The following KIAA1217 variants were observed in gnomAD, a reference collection of about 807,000 sequenced individuals.
KIAA1217 encodes sickle tail protein homolog.
A neutral mutation model predicts 163.9 loss-of-function variants in KIAA1217; 88 were observed. The ratio of observed to expected loss-of-function variants is 0.54; its 90% CI spans 0.45 to 0.64. The LOEUF is 0.64. KIAA1217 is among the 30% of genes least tolerant of loss of function. The pLI is 0.00. For missense variants in KIAA1217, 2,372 were observed against 2,475.0 expected (o/e 0.96, Z 0.88); for synonymous variants, 903 against 923.1 (o/e 0.98, Z 0.39).
chr10:24,247,824 A>T (rs1400728077), intron 2 of KIAA1217, among the ~76,000 whole-genome samples: 2 of 152,234 alleles, frequency 1.3e-5, no homozygotes, highest in Non-Finnish European at 2.9e-5. Flanking sequence ...TTCTGGAATG[A>T]TGTCCAATAA....
At chr10:24,167,617 G>A (rs1453835612) in intron 2 of KIAA1217, among the ~76,000 whole-genome samples, 2 of 152,100 alleles carry the variant, frequency 1.3e-5, no homozygotes, top group Non-Finnish European at 2.9e-5. Flanking sequence ...TTGGACAACT[G>A]TGAAGAACTC....
At chr10:23,809,411 A>T (rs1194501973) in intron 1 of KIAA1217, among the ~76,000 whole-genome samples, 3 of 152,006 alleles carry the variant, frequency 2.0e-5, no homozygotes, top group Non-Finnish European at 4.4e-5. Context: ...ATGAGAAAAG[A>T]AGTGGAATGT....
intron 1 of KIAA1217, among the ~76,000 whole-genome samples, chr10:23,858,778 T>G (rs1406962391): frequency 6.6e-6 from 1 of 152,156 alleles, no homozygotes; most frequent in Admixed American, 6.5e-5. Context: ...CTGGGCGTGG[T>G]GCCCTTTCAA....
chr10:23,939,329 A>G (rs573771376), intron 1 of KIAA1217, among the ~76,000 whole-genome samples: 3 of 152,240 alleles, frequency 2.0e-5, no homozygotes, highest in Admixed American at 6.5e-5. Flanking sequence ...AACAATCCCT[A>G]TACGGGGAGG....
chr10:24,545,840 C>T lies in KIAA1217; in HGVS notation c.5348C>T (p.Ala1783Val), dbSNP rs2075686323. 6.3e-7 allele frequency: 1 copy of T among 1,592,700 alleles called. No homozygotes were observed. Among genetic ancestry groups the T allele is most frequent in the Non-Finnish European group, 8.5e-7 (1 of 1,171,280 alleles). The change falls in exon 21 of 21, where the codon GCT becomes GTT. Residue 1783 changes from alanine to valine, a missense_variant. Ala to Val is a moderately conservative substitution (Grantham distance 64, BLOSUM62 0). Coordinates refer to ENST00000376454, the MANE Select transcript of KIAA1217 (RefSeq NM_019590.5). The part of the protein sequence containing the change: ...PRQYRQANGS[A>V]KKSGGDFKPT... The stretch of plus-strand genomic sequence containing the variant: ...CTTTATTTGCAGGCTAATGGAAGTG[C>T]TAAGAAATCTGGTGGGGACTTTAAG...
intron 5 of KIAA1217, among the ~76,000 whole-genome samples, chr10:24,468,537 G>A (rs1157108186): frequency 2.0e-5 from 3 of 152,180 alleles, no homozygotes; most frequent in Non-Finnish European, 2.9e-5. Context: ...TGTCACAACC[G>A]AATGTTTGTA....
intron 2 of KIAA1217, among the ~76,000 whole-genome samples, chr10:24,363,681 C>T (rs2134292307): frequency 6.6e-6 from 1 of 151,912 alleles, no homozygotes; most frequent in South Asian, 2.1e-4. Flanking sequence ...AAGCAGTCCT[C>T]CCACCTTAGC....
chr10:24,107,088 A>G (rs2062661187), intron 2 of KIAA1217, among the ~76,000 whole-genome samples: 1 of 152,126 alleles, frequency 6.6e-6, no homozygotes, highest in Non-Finnish European at 1.5e-5. Flanking sequence ...GATTTTGTCC[A>G]TGTGCACTCA....
chr10:24,040,417 G>A (rs1052578942), intron 2 of KIAA1217, among the ~76,000 whole-genome samples: 3 of 152,212 alleles, frequency 2.0e-5, no homozygotes, highest in Non-Finnish European at 2.9e-5. Flanking sequence ...CTAATATGAT[G>A]AAGGAACTGA....
intron 2 of KIAA1217, among the ~76,000 whole-genome samples, chr10:24,164,237 G>GAATTCA (rs2065242429): frequency 6.6e-6 from 1 of 152,154 alleles, no homozygotes; most frequent in African/African-American, 2.4e-5. Context: ...AGATGAACAG[G>GAATTCA]CTTCCGCCCC....
intron 2 of KIAA1217, among the ~76,000 whole-genome samples, chr10:24,260,685 C>G (rs2075638424): frequency 6.6e-6 from 1 of 150,958 alleles, no homozygotes; most frequent in African/African-American, 2.4e-5. Flanking sequence ...TTCGAGGCTG[C>G]AGTGAGCTAT....
intron 2 of KIAA1217, among the ~76,000 whole-genome samples, chr10:24,201,928 CT>C (rs5783878): frequency 0.57 from 87,037 of 151,664 alleles, 25,318 homozygotes; most frequent in Middle Eastern, 0.7. Flanking sequence ...CTGATCACCC[CT>C]GATCCTCCTA....
intron 3 of KIAA1217, among the ~76,000 whole-genome samples, chr10:24,395,203 C>G (rs770213445): frequency 1.3e-5 from 2 of 152,090 alleles, no homozygotes; most frequent in Non-Finnish European, 2.9e-5. Flanking sequence ...CAGGGAGGAC[C>G]TCTCCCCCAT....
intron 2 of KIAA1217, among the ~76,000 whole-genome samples, chr10:24,106,754 A>C (rs1420268070): frequency 6.6e-6 from 1 of 152,170 alleles, no homozygotes; most frequent in Non-Finnish European, 1.5e-5. Flanking sequence ...ATCCATTTTC[A>C]TAATTTTTCT....
At chr10:24,168,401 G>C (rs1203017100) in intron 2 of KIAA1217, among the ~76,000 whole-genome samples, 1 of 152,196 alleles carries the variant, frequency 6.6e-6, no homozygotes. Flanking sequence ...ATTCAGTCCT[G>C]AGTTTGACTA....
chr10:24,444,974 G>A (rs973713132), intron 5 of KIAA1217, among the ~76,000 whole-genome samples: 6 of 152,116 alleles, frequency 3.9e-5, no homozygotes, highest in African/African-American at 1.4e-4. Flanking sequence ...CTGTAAAAAT[G>A]TATAGGAACT....
intron 2 of KIAA1217, among the ~76,000 whole-genome samples, chr10:24,227,594 G>A (rs946440051): frequency 8.0e-5 from 12 of 150,682 alleles, no homozygotes; most frequent in Non-Finnish European, 1.2e-4. Flanking sequence ...GTGCAGTGGC[G>A]CAATCTTGGC....
chr10:24,446,986 G>A (rs754664847), intron 5 of KIAA1217, among the ~76,000 whole-genome samples: 12 of 151,946 alleles, frequency 7.9e-5, no homozygotes, highest in African/African-American at 1.5e-4. Context: ...ATGAGTCATC[G>A]CCACATGTCC....
At chr10:24,374,924 A>G (rs1399739409) in intron 2 of KIAA1217, among the ~76,000 whole-genome samples, 1 of 152,086 alleles carries the variant, frequency 6.6e-6, no homozygotes, top group Non-Finnish European at 1.5e-5. Context: ...GGCTGGAACT[A>G]CACGTGTGCA....
Sources: allele counts gnomAD v4.1 joint callset (sites outside exome capture counted in the v4.1 genomes callset), GRCh38; gene constraint gnomAD v4.1.1; transcripts MANE v1.5; gene names NCBI Gene and HGNC (gene_info 2026-07-23, HGNC 2026-07-21).